The following THRB variants were observed in gnomAD, a reference collection of about 807,000 sequenced individuals.
THRB encodes nuclear receptor subfamily 1 group A member 2.
In THRB, 12 loss-of-function variants were observed where a neutral mutation model predicts 47.8. The observed-to-expected ratio is 0.25, with a 90% CI of 0.16 to 0.41. THRB has a LOEUF of 0.41. Among genes scored for constraint, THRB ranks in the 10% least tolerant of loss-of-function variants. The pLI is 1.00. For missense variants in THRB, 348 were observed against 589.2 expected, an observed-to-expected ratio of 0.59 and a Z score of 4.24; for synonymous variants, 218 against 212.2, an observed-to-expected ratio of 1.03 and a Z score of -0.24.
intron 1 of THRB, among the ~76,000 whole-genome samples, chr3:24,443,431 C>T (rs1350756819): frequency 6.6e-6 from 1 of 151,804 alleles, no homozygotes; most frequent in Non-Finnish European, 1.5e-5. Flanking sequence ...TCCATAGGTG[C>T]AGAACACAGA....
intron 1 of THRB, among the ~76,000 whole-genome samples, chr3:24,450,162 A>G (rs907582989): frequency 6.6e-6 from 1 of 152,216 alleles, no homozygotes; most frequent in African/African-American, 2.4e-5. Flanking sequence ...TTAATTATTT[A>G]AGAAAGAAAA....
At chr3:24,354,481 C>T (rs1036799387) in intron 1 of THRB, among the ~76,000 whole-genome samples, 10 of 152,112 alleles carry the variant, frequency 6.6e-5, no homozygotes, top group African/African-American at 2.2e-4. Context: ...TAGGATCTCA[C>T]CATTGGGTTT....
At chr3:24,422,371 G>A (rs2069346651) in intron 1 of THRB, among the ~76,000 whole-genome samples, 1 of 151,880 alleles carries the variant, frequency 6.6e-6, no homozygotes, top group Non-Finnish European at 1.5e-5. Flanking sequence ...TTATGGGAGA[G>A]TTGTCATTTT....
At chr3:24,493,666 CTT>C (rs1005690101) in intron 1 of THRB, among the ~76,000 whole-genome samples, 10 of 152,218 alleles carry the variant, frequency 6.6e-5, no homozygotes, top group Admixed American at 2.0e-4. Flanking sequence ...CATGCAAACT[CTT>C]TCCTTTCTTT....
intron 1 of THRB, among the ~76,000 whole-genome samples, chr3:24,436,230 G>GA (rs369736708): frequency 0.028 from 3,970 of 143,030 alleles, 171 homozygotes; most frequent in African/African-American, 0.092. Flanking sequence ...CTAAGGAAAA[G>GA]AAAAAAAAAA....
Position 24,237,589 on chromosome 3 carries a change from A to G in THRB, c.-42-8588T>C, listed in dbSNP as rs2049001667. On this transcript the variant is annotated intron_variant, in intron 3 of 10. Transcript: ENST00000646209. ...CACCTCTCTCCCAGACAAAGTCACC[A>G]TGGCATGTTACAAAGAGCATTGGCC... is the stretch of plus-strand genomic sequence containing the variant. Among the ~76,000 whole-genome samples, 4 of 152,200 alleles carry G rather than the reference A, an allele frequency of 2.6e-5. No homozygotes were observed. In the South Asian group the frequency reaches 8.3e-4, roughly 32 times the overall value.
intron 5 of THRB, among the ~76,000 whole-genome samples, chr3:24,159,362 G>A (rs986793857): frequency 3.3e-5 from 5 of 152,160 alleles, no homozygotes; most frequent in South Asian, 2.1e-4. Flanking sequence ...TGATGCTTTC[G>A]TAGTGCTTAT....
intron 1 of THRB, among the ~76,000 whole-genome samples, chr3:24,471,517 G>T (rs62228855): frequency 0.03 from 4,554 of 152,058 alleles, 94 homozygotes; most frequent in South Asian, 0.057. Context: ...TTCTTGATTT[G>T]GACCCACCAT....
At position 24,194,186 on chromosome 3, in the gene THRB, G is replaced by C. The variant is rs139479674; in HGVS notation, c.23-3852C>G. ...GGGTACAGTGTACACTGCTCAGGTGGTGGGTGCACCAAAATCTCAGAAATC... is the reference window on the plus strand; with the variant it reads ...GGGTACAGTGTACACTGCTCAGGTGCTGGGTGCACCAAAATCTCAGAAATC... On this transcript the variant is annotated intron_variant, in intron 4 of 10. Transcript: ENST00000646209. 9.3e-3 allele frequency among the ~76,000 whole-genome samples: 1,413 copies of C among 152,274 alleles called. 28 individuals are homozygous for C. Among genetic ancestry groups the C allele is most frequent in the African/African-American group, 0.032 (1,337 of 41,552 alleles).
chr3:24,211,417 C>G (rs1054961783), intron 4 of THRB, among the ~76,000 whole-genome samples: 2 of 152,146 alleles, frequency 1.3e-5, no homozygotes. Context: ...ACCTTACTTT[C>G]ATTTCCCTTC....
intron 1 of THRB, 61 bp from the exon 2 acceptor site, chr3:24,337,432 C>T (rs777570694): frequency 3.3e-5 from 5 of 152,138 alleles, no homozygotes; most frequent in Non-Finnish European, 7.3e-5. Flanking sequence ...TCCCAACATT[C>T]GATTAATCTA....
At position 24,174,226 on chromosome 3, in the gene THRB, C is replaced by A. The variant is rs147995416; in HGVS notation, c.283+15848G>T. 3.7e-3 allele frequency among the ~76,000 whole-genome samples: 556 copies of A among 152,156 alleles called. 5 individuals carry two copies. Among genetic ancestry groups the A allele is most frequent in the African/African-American group, 0.013 (525 of 41,518 alleles). On this transcript the variant is annotated intron_variant, in intron 5 of 10. Transcript: ENST00000646209. ...AAAAATCTATTTGTCTGAAGTGGCA[C>A]AATGGTAATTTGAAGAGTGAGGATT...
intron 5 of THRB, among the ~76,000 whole-genome samples, chr3:24,158,400 T>C (rs2038200410): frequency 6.9e-6 from 1 of 145,038 alleles, no homozygotes; most frequent in South Asian, 2.3e-4. Context: ...AAAACAAAAG[T>C]AGTTTGAGAA....
At chr3:24,300,124 T>C (rs2056831058) in intron 2 of THRB, among the ~76,000 whole-genome samples, 1 of 152,122 alleles carries the variant, frequency 6.6e-6, no homozygotes, top group Non-Finnish European at 1.5e-5. Context: ...GAATTTAGCA[T>C]ATACTCACAG....
At position 24,399,763 on chromosome 3, in the gene THRB, C is replaced by A. The variant is rs146188228; in HGVS notation, c.-260-62392G>T. ...CACCCAGAGAAATTAAATGACTTGT[C>A]TAAGGTCACGCATTGAATACAGAGC... On this transcript the variant is annotated intron_variant, in intron 1 of 10. Transcript: ENST00000646209. Among the ~76,000 whole-genome samples the A allele has an allele frequency of 2.8e-3, 427 of 152,194 alleles. 2 individuals are homozygous for A. Among genetic ancestry groups the A allele is most frequent in the African/African-American group, 9.8e-3 (408 of 41,556 alleles).
intron 5 of THRB, among the ~76,000 whole-genome samples, chr3:24,183,005 G>T (rs1035314183): frequency 2.0e-5 from 3 of 152,120 alleles, no homozygotes; most frequent in African/African-American, 7.2e-5. Flanking sequence ...TAGAATTCCA[G>T]TTCAGCTACT....
chr3:24,340,619 A>G (rs1049874463), intron 1 of THRB, among the ~76,000 whole-genome samples: 1 of 152,232 alleles, frequency 6.6e-6, no homozygotes, highest in Non-Finnish European at 1.5e-5. Flanking sequence ...ACTACAAAGC[A>G]TAACACTGTG....
intron 3 of THRB, among the ~76,000 whole-genome samples, chr3:24,238,624 T>C (rs1654732968): frequency 6.6e-6 from 1 of 152,128 alleles, no homozygotes; most frequent in Admixed American, 6.5e-5. Context: ...TCATCTGAAA[T>C]TTAAAAGAAA....
intron 5 of THRB, among the ~76,000 whole-genome samples, chr3:24,171,492 A>G (rs954393026): frequency 2.0e-5 from 3 of 152,184 alleles, no homozygotes; most frequent in African/African-American, 7.2e-5. Flanking sequence ...TGAGCTATGC[A>G]TTCCACATGT....
Sources: gnomAD v4.1 joint callset for allele counts (sites outside exome capture counted in the v4.1 genomes callset) on GRCh38, gnomAD v4.1.1 for gene constraint, MANE v1.5 for transcripts, NCBI Gene and HGNC (gene_info 2026-07-23, HGNC 2026-07-21) for gene names.